SEH1L: variants seen among roughly 807,000 people sequenced by gnomAD.
The protein encoded by SEH1L is nucleoporin SEH1.
Under a neutral mutation model 49.5 loss-of-function variants are expected in SEH1L, and 18 were observed. That is an observed-to-expected ratio of 0.36 (90% CI 0.25 to 0.54). SEH1L has a LOEUF of 0.54. Ranked by LOEUF, SEH1L falls within the 20% of genes least tolerant of loss-of-function variation. SEH1L has a pLI of 0.87. For synonymous variants in SEH1L, 169 were observed against 178.1 expected (o/e 0.95, Z 0.41); for missense variants, 404 against 528.8 (o/e 0.76, Z 2.31).
chr18:12,968,156 A>C (rs1322277489), intron 4 of SEH1L, among the ~76,000 whole-genome samples: 1 of 152,156 alleles, frequency 6.6e-6, no homozygotes, highest in African/African-American at 2.4e-5. Context: ...TGTTACTGCT[A>C]TTAGAGCAAA....
At chr18:12,963,429 A>T in intron 4 of SEH1L, 58 bp downstream of exon 4, 2 of 1,306,116 alleles carry the variant, frequency 1.5e-6, no homozygotes, top group Non-Finnish European at 2.2e-6. Flanking sequence ...AGTAACTTTT[A>T]AGCTAACAAT....
intron 8 of SEH1L, chr18:12,985,436 A>G: frequency 7.6e-7 from 1 of 1,322,530 alleles, no homozygotes; most frequent in South Asian, 2.2e-5. Flanking sequence ...TTTTTGTACT[A>G]GTCAGTTTAT....
At chr18:12,967,703 C>T (rs2031512572) in intron 4 of SEH1L, among the ~76,000 whole-genome samples, 1 of 152,088 alleles carries the variant, frequency 6.6e-6, no homozygotes, top group African/African-American at 2.4e-5. Context: ...CACTTGAAGT[C>T]AGGAGTTTGA....
intron 1 of SEH1L, chr18:12,948,476 A>G (rs755307523): frequency 4.1e-5 from 15 of 365,282 alleles, no homozygotes; most frequent in Non-Finnish European, 7.4e-5. Flanking sequence ...TCCCGCCCGC[A>G]GGGTACGCCG....
At chr18:12,971,282 C>T in intron 5 of SEH1L, 31 bp downstream of exon 5, 1 of 1,312,892 alleles carries the variant, frequency 7.6e-7, no homozygotes. Context: ...AATAATTGTT[C>T]AGAATTGCAT....
intron 3 of SEH1L, among the ~76,000 whole-genome samples, chr18:12,960,509 T>C (rs993791031): frequency 7.9e-5 from 12 of 152,372 alleles, no homozygotes; most frequent in Non-Finnish European, 1.0e-4. Context: ...CACACTGTTT[T>C]AATTCCGGTA....
intron 3 of SEH1L, among the ~76,000 whole-genome samples, chr18:12,960,308 A>G (rs1210531561): frequency 1.3e-5 from 2 of 152,270 alleles, no homozygotes; most frequent in African/African-American, 2.4e-5. Flanking sequence ...GATACAAATT[A>G]TTTATTTCAG....
chr18:12,976,005 C>A, intron 5 of SEH1L: 1 of 374,434 alleles, frequency 2.7e-6, no homozygotes, highest in Non-Finnish European at 3.7e-6. Flanking sequence ...GCGTTTGGAA[C>A]ATCCAGGTGG....
At chr18:12,963,704 T>TTTGA (rs1047676224) in intron 4 of SEH1L, among the ~76,000 whole-genome samples, 8 of 152,172 alleles carry the variant, frequency 5.3e-5, no homozygotes, top group African/African-American at 1.7e-4. Flanking sequence ...AACCCATACA[T>TTTGA]TTGATTGATT....
At position 12,980,928 on chromosome 18, in the gene SEH1L, C is replaced by A. The variant is rs1428508184; in HGVS notation, c.762-1590C>A. 7.8e-4 allele frequency among the ~76,000 whole-genome samples: 118 copies of A among 150,754 alleles called. 2 individuals carry two copies. The highest frequency in any genetic ancestry group is 2.8e-3 in the African/African-American group (114 of 41,016). ...GGCTGGCCGGGCGGGGGGCTGACCC[C>A]CACCTCCCTCCCGGACGGGGTGGCT... On this transcript the variant is annotated intron_variant, in intron 6 of 8. Transcript: ENST00000399892.
intron 6 of SEH1L, among the ~76,000 whole-genome samples, chr18:12,979,718 C>G (rs1456478041): frequency 3.4e-5 from 5 of 146,876 alleles, no homozygotes; most frequent in African/African-American, 5.0e-5. Flanking sequence ...CACCTCCCTC[C>G]CGGACGGGGC....
Position 12,963,330 on chromosome 18 carries a change from A to T in SEH1L, c.480A>T (p.Ser160=), listed in dbSNP as rs762748807. ...LSQWSLQHEI[S]CKLSCSCISW... ...AGTGGTCTTTGCAGCATGAGATCTC[A>T]TGTAAGCTAAGCTGTAGTTGTATTT... Residue 160 remains serine, a synonymous_variant, in exon 4 of 9, where the codon TCA becomes TCT. Transcript: ENST00000399892. 6.2e-7 allele frequency: 1 copy of T among 1,613,988 alleles called. No individual in the cohort carries two copies. The highest frequency in any genetic ancestry group is 1.6e-4 in the Middle Eastern group (1 of 6,062).
At chr18:12,957,000 G>A (rs1598945796) in intron 3 of SEH1L, among the ~76,000 whole-genome samples, 3 of 151,954 alleles carry the variant, frequency 2.0e-5, no homozygotes, top group African/African-American at 7.2e-5. Context: ...CCCGGGAGGC[G>A]GAGCTTGCAG....
intron 8 of SEH1L, 109 bp downstream of exon 8, chr18:12,984,299 A>C (rs2032385317): frequency 4.3e-6 from 5 of 1,171,824 alleles, no homozygotes; most frequent in African/African-American, 1.5e-5. Context: ...GGAAATGTTC[A>C]CATGTGCTTG....
chr18:12,982,562 A>T lies in SEH1L; in HGVS notation c.806A>T (p.His269Leu). Residue 269 changes from histidine to leucine, a missense_variant, in exon 7 of 9, where the codon CAT (histidine) becomes CTT (leucine). This residue lies in a region of SEH1L where 342 missense variants were observed against 430.8 expected (regional missense o/e 0.79). Coordinates refer to ENST00000399892, the MANE Select transcript of SEH1L (RefSeq NM_001013437.2). ...GGTGGGCCAACAAAGTTTGAAATCC[A>T]TATAGTGGCTCAGTTCGATAATCAT... ...SSGGPTKFEI[H>L]IVAQFDNHNS... 1 of 1,613,750 alleles carries T rather than the reference A, an allele frequency of 6.2e-7. No homozygotes were observed. Among genetic ancestry groups the T allele is most frequent in the Non-Finnish European group, 8.5e-7 (1 of 1,179,820 alleles).
chr18:12,957,972 G>C (rs1331353113), intron 3 of SEH1L, among the ~76,000 whole-genome samples: 2 of 150,516 alleles, frequency 1.3e-5, no homozygotes, highest in Non-Finnish European at 3.0e-5. Flanking sequence ...GCCTCCCAAA[G>C]TGCTGTGATT....
At chr18:12,975,988 T>C in intron 5 of SEH1L, 1 of 539,222 alleles carries the variant, frequency 1.9e-6, no homozygotes, top group Non-Finnish European at 2.4e-6. Context: ...AGACATATGT[T>C]TGAGGTGCGT....
chr18:12,961,816 G>A (rs1391787402), intron 3 of SEH1L, among the ~76,000 whole-genome samples: 2 of 152,008 alleles, frequency 1.3e-5, no homozygotes, highest in African/African-American at 4.8e-5. Context: ...GCAGGCGCCC[G>A]CCACAATGTC....
Position 12,983,373 on chromosome 18 carries a change from T to A in SEH1L, c.920-667T>A, listed in dbSNP as rs529445385. 5.9e-5 allele frequency among the ~76,000 whole-genome samples: 9 copies of A among 152,356 alleles called. No individual in the cohort carries two copies. In the East Asian group the frequency reaches 1.5e-3, roughly 26 times the overall value. On this transcript the variant is annotated intron_variant, in intron 7 of 8. Coordinates refer to ENST00000399892, the MANE Select transcript of SEH1L (RefSeq NM_001013437.2). ...AAGCTTGAGGGCCTCCCATGTTCAA[T>A]TTTGGGCTTTGGTAAAACCAGCCCA... is the stretch of plus-strand genomic sequence containing the variant.
Sources: allele counts gnomAD v4.1 joint callset (sites outside exome capture counted in the v4.1 genomes callset), GRCh38; gene constraint gnomAD v4.1.1; regional missense constraint gnomAD v4.1.1; transcripts MANE v1.5; gene names NCBI Gene and HGNC (gene_info 2026-07-23, HGNC 2026-07-21).